Variants in ZFHX3 observed in about 807,000 individuals in gnomAD.
The protein encoded by ZFHX3 is zinc finger homeobox 3.
ZFHX3 carries 42 observed loss-of-function variants against 279.1 expected under a neutral mutation model. That is an observed-to-expected ratio of 0.15 (90% CI 0.12 to 0.19). ZFHX3 has a LOEUF of 0.19. Ranked by LOEUF, ZFHX3 falls within the 10% of genes least tolerant of loss-of-function variation. The pLI is 1.00. For missense variants in ZFHX3, 4,981 were observed against 4,754.0 expected (o/e 1.05, Z -1.40); for synonymous variants, 2,293 against 1,957.8 (o/e 1.17, Z -4.52).
intron 4 of ZFHX3, among the ~76,000 whole-genome samples, chr16:72,862,886 A>T (rs1348175097): frequency 6.6e-6 from 1 of 152,216 alleles, no homozygotes; most frequent in African/African-American, 2.4e-5. Context: ...CTTTAGAGAC[A>T]TATCAATTCA....
intron 1 of ZFHX3, among the ~76,000 whole-genome samples, chr16:73,029,130 C>T (rs1964610036): frequency 6.6e-6 from 1 of 152,100 alleles, no homozygotes; most frequent in Non-Finnish European, 1.5e-5. Flanking sequence ...AACATGGGGC[C>T]ATCTTGGCTG....
rs1156523996 is a variant in ZFHX3, at chr16:73,170,223, G to GTTTTTTTTTTTTTTTTT, written c.-1103-26409_-1103-26393dup. ...TTTTTGAAGCATCTTCCTTTCACTAGTTTTTTTTTTTTTTTTTTTTTTTTT... is the reference window on the plus strand; with the variant it reads ...TTTTTGAAGCATCTTCCTTTCACTAGTTTTTTTTTTTTTTTTTTTTTTTTTTTTTTTTTTTTTTTTTT... On this transcript the variant is annotated intron_variant, in intron 5 of 17. Transcript: ENST00000641206. Among the ~76,000 whole-genome samples, 78 of 57,748 alleles carry GTTTTTTTTTTTTTTTTT rather than the reference G, an allele frequency of 1.4e-3. 13 individuals are homozygous for GTTTTTTTTTTTTTTTTT. Among genetic ancestry groups the GTTTTTTTTTTTTTTTTT allele is most frequent in the Non-Finnish European group, 1.8e-3 (60 of 33,932 alleles). 37.9% of individuals were successfully genotyped at this position (57,748 alleles called of 152,430 possible).
intron 7 of ZFHX3, among the ~76,000 whole-genome samples, chr16:73,101,102 G>A (rs1433872837): frequency 2.6e-5 from 4 of 151,826 alleles, no homozygotes; most frequent in Admixed American, 6.6e-5. Flanking sequence ...TCTGAGTCCC[G>A]CTTGCCTTCT....
At chr16:73,320,486 G>C (rs1023867095) in intron 3 of ZFHX3, among the ~76,000 whole-genome samples, 2 of 152,222 alleles carry the variant, frequency 1.3e-5, no homozygotes, top group Admixed American at 6.5e-5. Context: ...ATTTGAGCTA[G>C]TGGGGAAGAT....
chr16:73,567,352 C>T (rs2020466132), intron 2 of ZFHX3, among the ~76,000 whole-genome samples: 1 of 152,168 alleles, frequency 6.6e-6, no homozygotes, highest in South Asian at 2.1e-4. Flanking sequence ...CAAGCATTCA[C>T]AACTTTTCTT....
In ZFHX3 at chr16:72,798,111, G is replaced by A. The variant is rs757920256; in HGVS notation, c.4571C>T (p.Ala1524Val). The A allele has an allele frequency of 1.6e-5, 26 of 1,614,114 alleles. No individual in the cohort carries two copies. Among genetic ancestry groups the A allele is most frequent in the Non-Finnish European group, 2.0e-5 (24 of 1,180,062 alleles). ...QEDSGSEPKRALPFRKGPNFT... is the reference protein window; with the variant it reads ...QEDSGSEPKRVLPFRKGPNFT... ...ATTGGGACCTTTTCTGAAAGGCAGAGCTCTCTTTGGCTCTGAGCCCGAGTC... is the reference window on the plus strand; with the variant it reads ...ATTGGGACCTTTTCTGAAAGGCAGAACTCTCTTTGGCTCTGAGCCCGAGTC... Residue 1524 changes from alanine (A) to valine (V), a missense_variant, in exon 9 of 10, where the codon GCT becomes GTT. Coordinates refer to ENST00000268489, the MANE Select transcript of ZFHX3 (RefSeq NM_006885.4).
At chr16:73,541,820 T>C (rs2020020644) in intron 2 of ZFHX3, among the ~76,000 whole-genome samples, 1 of 126,812 alleles carries the variant, frequency 7.9e-6, no homozygotes, top group African/African-American at 3.0e-5. Flanking sequence ...TTTTTTTCCC[T>C]GAGATGGAGT....
At chr16:73,605,959 C>T (rs1265897462) in intron 2 of ZFHX3, among the ~76,000 whole-genome samples, 2 of 151,506 alleles carry the variant, frequency 1.3e-5, no homozygotes, top group Non-Finnish European at 2.9e-5. Flanking sequence ...CCGAGGCGGG[C>T]GGATCACGAG....
intron 1 of ZFHX3, among the ~76,000 whole-genome samples, chr16:73,728,877 T>A (rs2053544896): frequency 6.6e-6 from 1 of 150,658 alleles, no homozygotes; most frequent in South Asian, 2.1e-4. Context: ...CTCTAAACCA[T>A]GAAAATCATG....
intron 2 of ZFHX3, among the ~76,000 whole-genome samples, chr16:73,537,545 T>A (rs2019926866): frequency 6.6e-6 from 1 of 152,166 alleles, no homozygotes; most frequent in Admixed American, 6.5e-5. Flanking sequence ...CTTGATCTTC[T>A]GACCTCGTGA....
At chr16:73,129,199 C>T (rs1966628979) in intron 7 of ZFHX3, among the ~76,000 whole-genome samples, 1 of 152,054 alleles carries the variant, frequency 6.6e-6, no homozygotes, top group East Asian at 1.9e-4. Flanking sequence ...ACCAGCCTGG[C>T]CAACACGGCG....
At chr16:73,507,874 A>G (rs2143679781) in intron 2 of ZFHX3, among the ~76,000 whole-genome samples, 1 of 152,274 alleles carries the variant, frequency 6.6e-6, no homozygotes, top group Middle Eastern at 3.4e-3. Context: ...CGTCAATAAA[A>G]TGGAATCATT....
At chr16:73,586,341 A>C (rs1466114103) in intron 2 of ZFHX3, among the ~76,000 whole-genome samples, 2 of 152,100 alleles carry the variant, frequency 1.3e-5, no homozygotes, top group African/African-American at 4.8e-5. Flanking sequence ...GAAAGCTGAG[A>C]TCGCACCACT....
chr16:73,358,300 C>T (rs921857405), intron 3 of ZFHX3, among the ~76,000 whole-genome samples: 7 of 152,220 alleles, frequency 4.6e-5, no homozygotes, highest in African/African-American at 9.7e-5. Flanking sequence ...GAAGGCGTGT[C>T]GCCTGCAGGA....
At chr16:73,325,918 C>CACACACAA (rs1555510195) in intron 3 of ZFHX3, among the ~76,000 whole-genome samples, 1 of 66,620 alleles carries the variant, frequency 1.5e-5, no homozygotes, top group Non-Finnish European at 4.3e-5. Flanking sequence ...CACACACACA[C>CACACACAA]ACACACACAA....
chr16:73,573,546 T>C (rs1402232823), intron 2 of ZFHX3, among the ~76,000 whole-genome samples: 4 of 152,262 alleles, frequency 2.6e-5, no homozygotes, highest in Non-Finnish European at 4.4e-5. Flanking sequence ...TGTAGTTGCA[T>C]TGGACTCAAA....
At chr16:73,469,810 G>A (rs990858878) in intron 2 of ZFHX3, among the ~76,000 whole-genome samples, 3 of 152,056 alleles carry the variant, frequency 2.0e-5, no homozygotes, top group Non-Finnish European at 4.4e-5. Flanking sequence ...TAGAGATGGG[G>A]TTTCACCATC....
At chr16:73,198,614 C>A (rs1050193154) in intron 5 of ZFHX3, among the ~76,000 whole-genome samples, 2 of 152,136 alleles carry the variant, frequency 1.3e-5, no homozygotes, top group African/African-American at 2.4e-5. Context: ...TAGATGAGTT[C>A]TTGGGTGACA....
Position 73,370,283 on chromosome 16 carries a change from G to C in ZFHX3, c.-1290-51947C>G, listed in dbSNP as rs191019060. ...GGTGTCAGCTTCGGGAGTCAGAACG[G>C]CTACATCTGACAAGTCACATGCATC... is the stretch of plus-strand genomic sequence containing the variant. On this transcript the variant is annotated intron_variant, in intron 3 of 17. Transcript: ENST00000641206. 5.9e-5 allele frequency among the ~76,000 whole-genome samples: 9 copies of C among 152,304 alleles called. No homozygotes were observed. In the East Asian group the frequency reaches 1.5e-3, roughly 26 times the overall value.
Sources: gnomAD v4.1 joint callset for allele counts (sites outside exome capture counted in the v4.1 genomes callset) on GRCh38, gnomAD v4.1.1 for gene constraint, MANE v1.5 for transcripts, NCBI Gene and HGNC (gene_info 2026-07-23, HGNC 2026-07-21) for gene names.